The following RBFOX1 variants were observed in gnomAD, a reference collection of about 807,000 sequenced individuals.
RBFOX1 encodes RNA binding fox-1 homolog 1.
A neutral mutation model predicts 57.7 loss-of-function variants in RBFOX1; 8 were observed. The observed-to-expected ratio is 0.14, with a 90% CI of 0.08 to 0.25. The LOEUF (loss-of-function observed/expected upper bound fraction) is 0.25, where lower values mean the gene tolerates loss of function less well. Among genes scored for constraint, RBFOX1 ranks in the 10% least tolerant of loss-of-function variants. The pLI, the probability that RBFOX1 is intolerant of heterozygous loss-of-function variation, is 1.00. For missense variants in RBFOX1, 611 were observed against 548.5 expected (o/e 1.11, Z -1.14); for synonymous variants, 326 against 222.4 (o/e 1.47, Z -4.15).
intron 2 of RBFOX1, among the ~76,000 whole-genome samples, chr16:6,398,976 G>A (rs564059507): frequency 5.9e-5 from 9 of 152,302 alleles, no homozygotes; most frequent in South Asian, 2.1e-4. Flanking sequence ...ACTTTTGCCC[G>A]GATATCTGGG....
chr16:6,860,184 A>G (rs1353594751), intron 3 of RBFOX1, among the ~76,000 whole-genome samples: 1 of 152,214 alleles, frequency 6.6e-6, no homozygotes, highest in East Asian at 1.9e-4. Context: ...GTCATCTGCA[A>G]TAGCGGAAAT....
At chr16:5,438,830 G>A (rs1015655957) in intron 1 of RBFOX1, among the ~76,000 whole-genome samples, 1 of 152,026 alleles carries the variant, frequency 6.6e-6, no homozygotes, top group Non-Finnish European at 1.5e-5. Context: ...GCACTCTTTA[G>A]GGTCAAAATC....
chr16:6,479,912 A>G (rs1306798636), intron 2 of RBFOX1, among the ~76,000 whole-genome samples: 1 of 151,878 alleles, frequency 6.6e-6, no homozygotes, highest in Non-Finnish European at 1.5e-5. Flanking sequence ...TTAGTTGGGC[A>G]TGGTGGCGGG....
chr16:6,936,986 A>C (rs1180676985), intron 3 of RBFOX1, among the ~76,000 whole-genome samples: 1 of 151,256 alleles, frequency 6.6e-6, no homozygotes, highest in East Asian at 2.0e-4. Context: ...AGATATACCT[A>C]ATGCTAGATG....
At chr16:7,090,901 G>T (rs550436606) in intron 4 of RBFOX1, among the ~76,000 whole-genome samples, 1 of 140,554 alleles carries the variant, frequency 7.1e-6, no homozygotes, top group African/African-American at 2.6e-5. Flanking sequence ...CCCTTGACCA[G>T]CACAAACTCC....
intron 14 of RBFOX1, among the ~76,000 whole-genome samples, chr16:7,677,380 C>G (rs930298148): frequency 1.3e-5 from 2 of 152,134 alleles, no homozygotes; most frequent in African/African-American, 4.8e-5. Flanking sequence ...TTGATTCTTT[C>G]TAGCAATGCC....
intron 3 of RBFOX1, among the ~76,000 whole-genome samples, chr16:6,982,592 G>C (rs774790085): frequency 6.6e-6 from 1 of 152,172 alleles, no homozygotes; most frequent in Non-Finnish European, 1.5e-5. Flanking sequence ...ACCATGAGTT[G>C]AACAGTTGTT....
At chr16:5,337,207 C>A (rs1388285762) in intron 1 of RBFOX1, among the ~76,000 whole-genome samples, 2 of 152,164 alleles carry the variant, frequency 1.3e-5, no homozygotes, top group African/African-American at 4.8e-5. Flanking sequence ...CTTTGTGGGG[C>A]CATTGACTGG....
intron 1 of RBFOX1, among the ~76,000 whole-genome samples, chr16:5,326,481 A>G (rs1027433208): frequency 2.0e-5 from 3 of 152,124 alleles, no homozygotes; most frequent in African/African-American, 7.2e-5. Context: ...CTCAATAATA[A>G]CCTCTTCTGA....
At chr16:7,400,125 C>G (rs1403003963) in intron 4 of RBFOX1, among the ~76,000 whole-genome samples, 1 of 152,064 alleles carries the variant, frequency 6.6e-6, no homozygotes, top group Non-Finnish European at 1.5e-5. Context: ...AGTTGGTATC[C>G]TAATCCGGAA....
chr16:7,381,434 C>G (rs2097780395), intron 4 of RBFOX1, among the ~76,000 whole-genome samples: 1 of 152,046 alleles, frequency 6.6e-6, no homozygotes, highest in Admixed American at 6.6e-5. Context: ...TTCTGAAATT[C>G]CTGTTTTCTC....
chr16:6,444,449 C>T (rs190447880), intron 2 of RBFOX1, among the ~76,000 whole-genome samples: 121 of 152,192 alleles, frequency 8.0e-4, no homozygotes, highest in Non-Finnish European at 1.4e-3. Context: ...GGGTCTTTCT[C>T]ATGCTGTTCT....
At chr16:6,133,293 G>C (rs1335846416) in intron 1 of RBFOX1, among the ~76,000 whole-genome samples, 3 of 152,206 alleles carry the variant, frequency 2.0e-5, no homozygotes, top group Admixed American at 6.5e-5. Context: ...TCGCTTGCCT[G>C]ATACTGGCTT....
Position 6,636,035 on chromosome 16 carries a change from A to C in RBFOX1, c.-63-18568A>C, listed in dbSNP as rs113809407. ...GAAAGTACTTGTGTACATGTTTAAT[A>C]ATTTATGCTTGAAACAGTTTTGAGT... On this transcript the variant is annotated intron_variant, in intron 2 of 15. Coordinates refer to ENST00000550418, the MANE Select transcript of RBFOX1 (RefSeq NM_018723.4). 3.2e-4 allele frequency among the ~76,000 whole-genome samples: 49 copies of C among 152,280 alleles called. 1 individual carries two copies. Among genetic ancestry groups the C allele is most frequent in the East Asian group, 1.7e-3 (9 of 5,180 alleles).
At chr16:6,780,395 T>C (rs1294099623) in intron 3 of RBFOX1, among the ~76,000 whole-genome samples, 1 of 88,168 alleles carries the variant, frequency 1.1e-5, no homozygotes, top group South Asian at 4.0e-4. Flanking sequence ...ATATTATATA[T>C]ATTTTTATAT....
rs540333915 is a variant in RBFOX1, at chr16:6,134,449, G to A, written c.-127+114457G>A. Reference sequence around the variant, plus strand: ...TCTTGTGTAAATGAATGTCTTGTTAGGGGTATTGTACTAGTTCCCTGCCAT... The same window carrying A: ...TCTTGTGTAAATGAATGTCTTGTTAAGGGTATTGTACTAGTTCCCTGCCAT... On this transcript the variant is annotated intron_variant, in intron 1 of 15. Coordinates refer to ENST00000550418, the MANE Select transcript of RBFOX1 (RefSeq NM_018723.4). Among the ~76,000 whole-genome samples, 8 of 152,292 alleles carry A rather than the reference G, an allele frequency of 5.3e-5. No homozygotes were observed. The East Asian group carries it at 1.4e-3, about 26-fold the overall frequency.
rs9936094 is a variant in RBFOX1 at position 5,305,042 on chromosome 16, C to T, written c.219+64937C>T. Among the ~76,000 whole-genome samples the T allele has an allele frequency of 5.9e-3, 895 of 152,212 alleles. 4 individuals are homozygous for T. The highest frequency in any genetic ancestry group is 0.019 in the African/African-American group (797 of 41,524). ...CCTTTCACAGGTAGGTTTTCATCCA[C>T]CTGCAGCTTGTGTGATGTAGTGACT... On this transcript the variant is annotated intron_variant, in intron 1 of 2. Coordinates refer to the RBFOX1 transcript ENST00000585867.
intron 3 of RBFOX1, among the ~76,000 whole-genome samples, chr16:6,659,796 T>C (rs1372512299): frequency 6.6e-6 from 1 of 152,062 alleles, no homozygotes; most frequent in Non-Finnish European, 1.5e-5. Context: ...AGTGGGGTGG[T>C]CAGATGTCTT....
chr16:7,362,974 T>C (rs959352272), intron 4 of RBFOX1, among the ~76,000 whole-genome samples: 1 of 152,150 alleles, frequency 6.6e-6, no homozygotes, highest in Non-Finnish European at 1.5e-5. Flanking sequence ...AGCTTTTGTT[T>C]CCTAATTTTT....
Sources: allele counts gnomAD v4.1 joint callset (sites outside exome capture counted in the v4.1 genomes callset), GRCh38; gene constraint gnomAD v4.1.1; transcripts MANE v1.5; gene names NCBI Gene and HGNC (gene_info 2026-07-23, HGNC 2026-07-21).